The following BBS9 variants were observed in gnomAD, a reference collection of about 807,000 sequenced individuals.
BBS9 encodes protein PTHB1.
BBS9 carries 89 observed loss-of-function variants against 117.7 expected under a neutral mutation model. The ratio of observed to expected loss-of-function variants is 0.76; its 90% CI spans 0.64 to 0.90. BBS9 has a LOEUF of 0.90. Among genes scored for constraint, BBS9 ranks in the 40% least tolerant of loss-of-function variants. BBS9 has a pLI of 0.00. For missense variants in BBS9, 982 were observed against 1,042.2 expected, an observed-to-expected ratio of 0.94 and a Z score of 0.80; for synonymous variants, 379 against 370.9, an observed-to-expected ratio of 1.02 and a Z score of -0.25.
chr7:33,427,326 G>A (rs35850465), intron 19 of BBS9, among the ~76,000 whole-genome samples: 23,550 of 152,162 alleles, frequency 0.15, 2,289 homozygotes, highest in South Asian at 0.21. Context: ...TTCCTGAAGG[G>A]TTGGGTGGAG....
intron 5 of BBS9, among the ~76,000 whole-genome samples, chr7:33,183,615 C>T (rs902450576): frequency 2.0e-5 from 3 of 152,176 alleles, no homozygotes; most frequent in Admixed American, 1.3e-4. Context: ...GTTTCCATTG[C>T]CCTTCCCAGA....
intron 9 of BBS9, among the ~76,000 whole-genome samples, chr7:33,288,515 T>C (rs1468717612): frequency 6.6e-6 from 1 of 152,234 alleles, no homozygotes; most frequent in African/African-American, 2.4e-5. Flanking sequence ...AGCACGTATG[T>C]TCTAGTCTTG....
rs1207238302 is a variant in BBS9 at position 33,206,739 on chromosome 7, AT to A, written c.442+29152del. On this transcript the variant is annotated intron_variant, in intron 5 of 22. Coordinates refer to ENST00000242067, the MANE Select transcript of BBS9 (RefSeq NM_198428.3). Reference sequence around the variant, plus strand: ...TATCTACTGTATCATCCAAATTCTAATTTTGTCAATTGGTCTAATAATATAA... The same window carrying A: ...TATCTACTGTATCATCCAAATTCTAATTTGTCAATTGGTCTAATAATATAA... Among the ~76,000 whole-genome samples, 16 of 152,226 alleles carry A rather than the reference AT, an allele frequency of 1.1e-4. No homozygotes were observed. In the East Asian group the frequency reaches 3.1e-3, roughly 29 times the overall value.
At chr7:33,533,626 G>A in intron 20 of BBS9, 2 of 355,800 alleles carry the variant, frequency 5.6e-6, no homozygotes, top group Middle Eastern at 9.1e-4. Context: ...ACGTGTGCCT[G>A]ATACTCTTTT....
intron 19 of BBS9, among the ~76,000 whole-genome samples, chr7:33,497,139 A>T (rs1375852986): frequency 6.6e-6 from 1 of 152,132 alleles, no homozygotes; most frequent in Non-Finnish European, 1.5e-5. Flanking sequence ...CAGTCATTAG[A>T]GCTGTCTGTT....
chr7:33,371,171 A>G (rs1470742490), intron 17 of BBS9, among the ~76,000 whole-genome samples: 1 of 152,210 alleles, frequency 6.6e-6, no homozygotes, highest in Non-Finnish European at 1.5e-5. Flanking sequence ...TGAATATTCA[A>G]AAAGACAGTT....
At chr7:33,522,504 T>C (rs1423637613) in intron 20 of BBS9, among the ~76,000 whole-genome samples, 1 of 152,160 alleles carries the variant, frequency 6.6e-6, no homozygotes, top group African/African-American at 2.4e-5. Context: ...CCAGTGATGA[T>C]GAGCATTTTT....
chr7:33,490,752 G>A (rs1037655705), intron 19 of BBS9, among the ~76,000 whole-genome samples: 17 of 152,104 alleles, frequency 1.1e-4, no homozygotes, highest in Admixed American at 3.9e-4. Flanking sequence ...CTATTAATAA[G>A]AAATAAACTT....
At chr7:33,386,426 T>C (rs1826012169) in intron 18 of BBS9, among the ~76,000 whole-genome samples, 1 of 151,892 alleles carries the variant, frequency 6.6e-6, no homozygotes, top group Admixed American at 6.6e-5. Context: ...AGTGTCCCTT[T>C]TACCCTGTGA....
intron 21 of BBS9, among the ~76,000 whole-genome samples, chr7:33,589,469 T>C (rs932695825): frequency 6.6e-6 from 1 of 152,098 alleles, no homozygotes; most frequent in African/African-American, 2.4e-5. Flanking sequence ...GTAATTCAGG[T>C]AAGAGATGAT....
At chr7:33,554,551 T>C (rs976976672) in intron 21 of BBS9, among the ~76,000 whole-genome samples, 1 of 152,044 alleles carries the variant, frequency 6.6e-6, no homozygotes, top group Non-Finnish European at 1.5e-5. Context: ...AGGTGGACAG[T>C]AGTGCTATTG....
intron 19 of BBS9, among the ~76,000 whole-genome samples, chr7:33,435,328 T>C (rs1409435749): frequency 6.6e-6 from 1 of 152,196 alleles, no homozygotes; most frequent in Non-Finnish European, 1.5e-5. Context: ...TATATGAACT[T>C]TGTTAATATC....
intron 15 of BBS9, among the ~76,000 whole-genome samples, chr7:33,355,893 T>C (rs1043541631): frequency 1.3e-4 from 19 of 151,906 alleles, no homozygotes; most frequent in Admixed American, 1.1e-3. Context: ...ATTTAATTTT[T>C]TTTAACTGTG....
rs755661030 is a variant in BBS9, at chr7:33,155,615, T to C, written c.264-23T>C. 6.5e-5 allele frequency: 102 copies of C among 1,565,198 alleles called. 1 individual carries two copies. The South Asian group carries it at 8.3e-4, about 13-fold the overall frequency. ...GTCTAAAGCTAATATTGGAAAACTT[T>C]AAAAACTTTCTCTGTTTTTCAGAGG... is the stretch of plus-strand genomic sequence containing the variant. On this transcript the variant is annotated intron_variant, in intron 3 of 22. Coordinates refer to ENST00000242067, the MANE Select transcript of BBS9 (RefSeq NM_198428.3).
rs59532407 is a variant in BBS9, at chr7:33,284,425, T to C, written c.1016+10469T>C. 1.1e-4 allele frequency among the ~76,000 whole-genome samples: 16 copies of C among 152,294 alleles called. No homozygotes were observed. The East Asian group carries it at 2.9e-3, about 28-fold the overall frequency. On this transcript the variant is annotated intron_variant, in intron 9 of 22. Coordinates refer to ENST00000242067, the MANE Select transcript of BBS9 (RefSeq NM_198428.3). ...GGACAACCTGATTTTTGTTTTGTTG[T>C]AGGTAATCAGTTCTTTATGTTTGAT...
chr7:33,399,648 T>C (rs1327342070), intron 19 of BBS9, among the ~76,000 whole-genome samples: 2 of 152,182 alleles, frequency 1.3e-5, no homozygotes, highest in Admixed American at 1.3e-4. Context: ...TAAATTTTCA[T>C]CAATTCGGAA....
At chr7:33,130,314 G>T (rs1225416503) in intron 1 of BBS9, among the ~76,000 whole-genome samples, 1 of 152,158 alleles carries the variant, frequency 6.6e-6, no homozygotes, top group Non-Finnish European at 1.5e-5. Context: ...ACTTCAACAG[G>T]TCTGTGAGTA....
intron 21 of BBS9, among the ~76,000 whole-genome samples, chr7:33,601,961 A>T (rs2129201431): frequency 6.6e-6 from 1 of 152,304 alleles, no homozygotes; most frequent in East Asian, 1.9e-4. Flanking sequence ...GTCTAACTTC[A>T]AAATTCCATT....
At chr7:33,413,342 A>G (rs954575013) in intron 19 of BBS9, among the ~76,000 whole-genome samples, 1 of 152,138 alleles carries the variant, frequency 6.6e-6, no homozygotes, top group African/African-American at 2.4e-5. Context: ...TTTTCTTTTG[A>G]CTATTCTTTT....
Sources: gnomAD v4.1 joint callset for allele counts (sites outside exome capture counted in the v4.1 genomes callset) on GRCh38, gnomAD v4.1.1 for gene constraint, MANE v1.5 for transcripts, NCBI Gene and HGNC (gene_info 2026-07-23, HGNC 2026-07-21) for gene names.